The following SIK2 variants were observed in gnomAD, a reference collection of about 807,000 sequenced individuals.
The protein encoded by SIK2 is salt inducible kinase 2, also known as serine/threonine-protein kinase SIK2.
SIK2 carries 29 observed loss-of-function variants against 103.2 expected under a neutral mutation model. The ratio of observed to expected loss-of-function variants is 0.28; its 90% CI spans 0.21 to 0.38. The LOEUF (loss-of-function observed/expected upper bound fraction) is 0.38, where lower values mean the gene tolerates loss of function less well. Ranked by LOEUF, SIK2 falls within the 10% of genes least tolerant of loss-of-function variation. The pLI is 1.00. For missense variants in SIK2, 879 were observed against 1,171.0 expected, an observed-to-expected ratio of 0.75 and a Z score of 3.64; for synonymous variants, 412 against 446.1, an observed-to-expected ratio of 0.92 and a Z score of 0.96.
intron 1 of SIK2, among the ~76,000 whole-genome samples, chr11:111,615,390 T>G (rs1312717703): frequency 6.6e-6 from 1 of 152,074 alleles, no homozygotes; most frequent in African/African-American, 2.4e-5. Context: ...ATTTTAGAGT[T>G]TTTTCAAAAC....
intron 3 of SIK2, among the ~76,000 whole-genome samples, chr11:111,634,067 T>G (rs1011918128): frequency 6.6e-6 from 1 of 152,208 alleles, no homozygotes; most frequent in African/African-American, 2.4e-5. Flanking sequence ...TTCAAACAAT[T>G]AAACCGGCAG....
chr11:111,718,116 A>G (rs976015204), intron 9 of SIK2, among the ~76,000 whole-genome samples: 1 of 152,226 alleles, frequency 6.6e-6, no homozygotes, highest in African/African-American at 2.4e-5. Flanking sequence ...CTTATCCTAT[A>G]AGAAATGTCT....
intron 3 of SIK2, among the ~76,000 whole-genome samples, chr11:111,675,463 A>G (rs1942690906): frequency 6.6e-6 from 1 of 152,220 alleles, no homozygotes; most frequent in Non-Finnish European, 1.5e-5. Context: ...AGGTGAGCAG[A>G]TAGTTTTGGT....
Position 111,701,855 on chromosome 11 carries a change from G to A in SIK2, c.727+280G>A, listed in dbSNP as rs1193743182. Among the ~76,000 whole-genome samples the A allele has an allele frequency of 1.3e-5, 2 of 152,032 alleles. No homozygotes were observed. Among genetic ancestry groups the A allele is most frequent in the African/African-American group, 2.4e-5 (1 of 41,372 alleles). ...GTCCCAGGTTTATTTTAGATTTAAC[G>A]AAGCCCTTTGTAGATACAGATTCAC... On this transcript the variant is annotated intron_variant, in intron 6 of 14. Transcript: ENST00000304987. This position sits in a 1 kb window ranked among gnomAD's most constrained non-coding sequence, Gnocchi z 4.2.
chr11:111,712,517 T>C, intron 9 of SIK2, 142 bp downstream of exon 9: 1 of 834,142 alleles, frequency 1.2e-6, no homozygotes, highest in Non-Finnish European at 1.8e-6. Context: ...AGAAAAACCT[T>C]AGAACAGTGT....
chr11:111,722,597 C>A lies in SIK2; in HGVS notation c.2056-68C>A. ...GTTAGATTCATCCTGCAGGCAGAAGCACATCTGATGACTGCATCCTAGGTG... is the reference window on the plus strand; with the variant it reads ...GTTAGATTCATCCTGCAGGCAGAAGAACATCTGATGACTGCATCCTAGGTG... On this transcript the variant is annotated intron_variant, in intron 13 of 14. Coordinates refer to ENST00000304987, the MANE Select transcript of SIK2 (RefSeq NM_015191.3). This position sits in a 1 kb window ranked among gnomAD's most constrained non-coding sequence, Gnocchi z 4.4. 1 of 1,423,224 alleles carries A rather than the reference C, an allele frequency of 7.0e-7. No individual in the cohort carries two copies. The highest frequency in any genetic ancestry group is 9.8e-7 in the Non-Finnish European group (1 of 1,020,314). 88.2% of individuals were successfully genotyped at this position (1,423,224 alleles called of 1,614,324 possible).
chr11:111,652,041 C>T (rs1044942327), intron 3 of SIK2, among the ~76,000 whole-genome samples: 3 of 152,108 alleles, frequency 2.0e-5, no homozygotes, highest in Non-Finnish European at 4.4e-5. Context: ...GATAATACAT[C>T]GGTGCTTCTA....
chr11:111,631,744 G>T (rs184674940), intron 3 of SIK2, among the ~76,000 whole-genome samples: 1 of 152,174 alleles, frequency 6.6e-6, no homozygotes, highest in Admixed American at 6.6e-5. Flanking sequence ...TGCCTTAACC[G>T]TGCCCTGCTA....
intron 4 of SIK2, among the ~76,000 whole-genome samples, chr11:111,698,221 G>T (rs1024976403): frequency 6.6e-6 from 1 of 152,184 alleles, no homozygotes; most frequent in African/African-American, 2.4e-5. Context: ...AGCTTTCTTT[G>T]TGCTAGATTT....
chr11:111,712,980 C>A (rs1329538152), intron 9 of SIK2, among the ~76,000 whole-genome samples: 4 of 152,118 alleles, frequency 2.6e-5, no homozygotes, highest in Admixed American at 2.6e-4. Context: ...CCTTGGGCAA[C>A]ATGGTGAAAC....
Position 111,701,637 on chromosome 11 carries a change from T to C in SIK2, c.727+62T>C. 3.2e-6 allele frequency: 5 copies of C among 1,564,970 alleles called. No individual in the cohort carries two copies. Among genetic ancestry groups the C allele is most frequent in the Non-Finnish European group, 4.3e-6 (5 of 1,151,620 alleles). The stretch of plus-strand genomic sequence containing the variant: ...GTGTTAGTGCTCCAAGTGAAATGCC[T>C]AGGTAAAAGCTTCTTTTTTTCTAAG... On this transcript the variant is annotated intron_variant, in intron 6 of 14. Transcript: ENST00000304987. This position sits in a 1 kb window ranked among gnomAD's most constrained non-coding sequence, Gnocchi z 4.2.
rs540631537 is a variant in SIK2, at chr11:111,666,369, G to C, written c.317-21632G>C. On this transcript the variant is annotated intron_variant, in intron 3 of 14. Coordinates refer to ENST00000304987, the MANE Select transcript of SIK2 (RefSeq NM_015191.3). ...AATTGGAATCTTTGTAGGGTTGGAA[G>C]AGTGAGTTTGCCTAAATCTACCCTT... 6.4e-4 allele frequency among the ~76,000 whole-genome samples: 97 copies of C among 152,240 alleles called. 2 individuals are homozygous for C. The South Asian group carries it at 0.011, about 18-fold the overall frequency.
intron 2 of SIK2, 127 bp downstream of exon 2, chr11:111,616,486 T>A: frequency 1.6e-6 from 1 of 634,754 alleles, no homozygotes; most frequent in Non-Finnish European, 2.8e-6. Flanking sequence ...TATTTGTTAC[T>A]AAGTACACCA....
intron 3 of SIK2, among the ~76,000 whole-genome samples, chr11:111,668,659 G>A (rs187063497): frequency 4.6e-5 from 7 of 152,338 alleles, no homozygotes; most frequent in Admixed American, 3.3e-4. Flanking sequence ...TCCGAGTGAC[G>A]TGGGAAGCCA....
intron 9 of SIK2, among the ~76,000 whole-genome samples, chr11:111,715,116 G>A (rs981355105): frequency 6.6e-6 from 1 of 152,212 alleles, no homozygotes; most frequent in Admixed American, 6.5e-5. Context: ...GGAGCTAGAT[G>A]GTATATTTGC....
chr11:111,703,087 C>A, intron 6 of SIK2, 116 bp from the exon 7 acceptor site: 1 of 834,338 alleles, frequency 1.2e-6, no homozygotes, highest in Non-Finnish European at 1.9e-6. Context: ...TGACCTTCTG[C>A]TTTCCAGTAG....
chr11:111,690,766 T>C (rs561535607), intron 4 of SIK2, among the ~76,000 whole-genome samples: 8 of 152,358 alleles, frequency 5.3e-5, no homozygotes, highest in Admixed American at 1.3e-4. Flanking sequence ...GCTTCATCCA[T>C]GTCCCTGCAA....
intron 3 of SIK2, among the ~76,000 whole-genome samples, chr11:111,679,962 A>C (rs554064721): frequency 3.3e-5 from 5 of 152,256 alleles, no homozygotes; most frequent in South Asian, 2.1e-4. Flanking sequence ...ATCTCTACTA[A>C]AAATAAAAAA....
At chr11:111,644,237 C>G (rs1439031508) in intron 3 of SIK2, among the ~76,000 whole-genome samples, 1 of 143,258 alleles carries the variant, frequency 7.0e-6, no homozygotes, top group African/African-American at 2.6e-5. Context: ...TGTGGTGAGC[C>G]GAGATCACGC....
Sources: gnomAD v4.1 joint callset for allele counts (sites outside exome capture counted in the v4.1 genomes callset) on GRCh38, gnomAD v4.1.1 for gene constraint, Gnocchi (gnomAD v3.1) non-coding constraint, MANE v1.5 for transcripts, NCBI Gene and HGNC (gene_info 2026-07-23, HGNC 2026-07-21) for gene names.